Variants in COMMD10 observed in about 807,000 individuals in gnomAD.
COMMD10 encodes COMM domain containing 10.
COMMD10 carries 33 observed loss-of-function variants against 28.9 expected under a neutral mutation model. That is an observed-to-expected ratio of 1.14 (90% CI 0.87 to 1.53). COMMD10 has a LOEUF of 1.53. Ranked by LOEUF, COMMD10 falls within the 40% of genes most tolerant of loss-of-function variation. The probability of loss-of-function intolerance (pLI) is 0.00; values close to 1 mark genes in which losing one functional copy is unlikely to be tolerated. For missense variants in COMMD10, 310 were observed against 233.4 expected (o/e 1.33, Z -2.14); for synonymous variants, 110 against 81.7 (o/e 1.35, Z -1.87).
intron 4 of COMMD10, among the ~76,000 whole-genome samples, chr5:116,129,308 G>C (rs1052282484): frequency 1.4e-5 from 2 of 147,848 alleles, no homozygotes; most frequent in Non-Finnish European, 3.0e-5. Context: ...TCACAGGGTT[G>C]TTAGTTTTCT....
Position 116,269,886 on chromosome 5 carries a change from T to C in COMMD10, c.511-21631T>C, listed in dbSNP as rs77181872. 7.4e-3 allele frequency among the ~76,000 whole-genome samples: 1,123 copies of C among 151,948 alleles called. 51 individuals are homozygous for C. In the East Asian group the frequency reaches 0.11, roughly 15 times the overall value. On this transcript the variant is annotated intron_variant, in intron 5 of 6. Coordinates refer to ENST00000274458, the MANE Select transcript of COMMD10 (RefSeq NM_016144.4). ...GATGAGAGAATTAATATATATTTTTTACCCCATTTCTGCATATTTTAATCC... is the reference window on the plus strand; with the variant it reads ...GATGAGAGAATTAATATATATTTTTCACCCCATTTCTGCATATTTTAATCC...
At chr5:116,242,631 TG>T (rs924795706) in intron 5 of COMMD10, among the ~76,000 whole-genome samples, 2 of 152,098 alleles carry the variant, frequency 1.3e-5, no homozygotes, top group Non-Finnish European at 2.9e-5. Flanking sequence ...TTTGACCCAG[TG>T]GGAATGAAAG....
At chr5:116,092,501 A>T (rs771732405) in intron 3 of COMMD10, 44 bp from the exon 4 acceptor site, 3 of 1,399,598 alleles carry the variant, frequency 2.1e-6, no homozygotes, top group African/African-American at 2.9e-5. Context: ...AAGTTTCAGT[A>T]TGAAGATGAG....
chr5:116,211,792 T>A (rs1460509945), intron 5 of COMMD10, among the ~76,000 whole-genome samples: 1 of 151,980 alleles, frequency 6.6e-6, no homozygotes, highest in African/African-American at 2.4e-5. Context: ...ACACGCACAC[T>A]CTCTCACAGA....
At chr5:116,147,445 C>T (rs1752386774) in intron 5 of COMMD10, among the ~76,000 whole-genome samples, 2 of 151,670 alleles carry the variant, frequency 1.3e-5, no homozygotes, top group African/African-American at 4.8e-5. Context: ...ATGTTTGATT[C>T]CTAAGTATAA....
intron 5 of COMMD10, among the ~76,000 whole-genome samples, chr5:116,152,698 A>G (rs890632506): frequency 7.2e-5 from 11 of 152,122 alleles, no homozygotes; most frequent in African/African-American, 2.4e-4. Context: ...AAAATGAGAA[A>G]CCAGAAGTTT....
chr5:116,121,788 A>G (rs923235464), intron 4 of COMMD10, among the ~76,000 whole-genome samples: 2 of 151,394 alleles, frequency 1.3e-5, no homozygotes, highest in Admixed American at 6.6e-5. Flanking sequence ...TCTTTTGAGA[A>G]GTGTCTGTTC....
At chr5:116,109,407 A>T (rs1386990383) in intron 4 of COMMD10, among the ~76,000 whole-genome samples, 1 of 152,178 alleles carries the variant, frequency 6.6e-6, no homozygotes, top group Non-Finnish European at 1.5e-5. Context: ...CAGCCTGGCC[A>T]ATATGGTGAA....
At chr5:116,249,240 G>T (rs1412663846) in intron 5 of COMMD10, among the ~76,000 whole-genome samples, 1 of 151,856 alleles carries the variant, frequency 6.6e-6, no homozygotes, top group African/African-American at 2.4e-5. Context: ...CTTTAATTTT[G>T]TTTTATGACA....
intron 5 of COMMD10, among the ~76,000 whole-genome samples, chr5:116,256,330 T>C (rs1166013266): frequency 6.6e-6 from 1 of 151,744 alleles, no homozygotes; most frequent in Non-Finnish European, 1.5e-5. Flanking sequence ...ATGAAGAATA[T>C]TATTTTTCTG....
intron 5 of COMMD10, among the ~76,000 whole-genome samples, chr5:116,197,031 A>G (rs1748541503): frequency 6.6e-6 from 1 of 152,182 alleles, no homozygotes; most frequent in Non-Finnish European, 1.5e-5. Flanking sequence ...AGTAATTTAT[A>G]TCAGAAGTAT....
intron 5 of COMMD10, among the ~76,000 whole-genome samples, chr5:116,146,987 T>C (rs1210023263): frequency 6.6e-6 from 1 of 151,904 alleles, no homozygotes; most frequent in Non-Finnish European, 1.5e-5. Flanking sequence ...CTAAAATGCT[T>C]TAAGGATTTA....
chr5:116,146,118 CAAA>C (rs1385608379), intron 5 of COMMD10, among the ~76,000 whole-genome samples: 1 of 151,802 alleles, frequency 6.6e-6, no homozygotes, highest in African/African-American at 2.4e-5. Context: ...TCTGTTAAGA[CAAA>C]GAAGTGGATA....
chr5:116,144,081 G>C (rs981029224), intron 5 of COMMD10, among the ~76,000 whole-genome samples: 9 of 151,794 alleles, frequency 5.9e-5, no homozygotes, highest in African/African-American at 2.2e-4. Flanking sequence ...TATCCAGGTG[G>C]AGATTGTCAG....
intron 5 of COMMD10, among the ~76,000 whole-genome samples, chr5:116,143,198 A>G (rs914819617): frequency 1.7e-4 from 26 of 151,166 alleles, no homozygotes; most frequent in Admixed American, 1.7e-3. Flanking sequence ...TCCTCCATAT[A>G]TGTGGGTGTG....
At chr5:116,139,490 A>G (rs1396481) in intron 5 of COMMD10, among the ~76,000 whole-genome samples, 76,101 of 151,514 alleles carry the variant, frequency 0.5, 21,689 homozygotes, top group Non-Finnish European at 0.65. Flanking sequence ...AATTCTTGTT[A>G]TAGAAATTTA....
chr5:116,134,741 C>A (rs899494229), intron 5 of COMMD10, among the ~76,000 whole-genome samples: 10 of 152,150 alleles, frequency 6.6e-5, no homozygotes, highest in African/African-American at 2.4e-4. Flanking sequence ...CCTGCCTCAG[C>A]CTCCCGAGTA....
intron 4 of COMMD10, among the ~76,000 whole-genome samples, chr5:116,116,237 A>C (rs1451798603): frequency 1.3e-5 from 2 of 152,294 alleles, no homozygotes; most frequent in Middle Eastern, 3.4e-3. Context: ...TGTTTCATTA[A>C]TTATTGAATA....
At chr5:116,292,409 C>G (rs758475844) in intron 6 of COMMD10, 42 bp from the exon 7 acceptor site, 2 of 1,413,218 alleles carry the variant, frequency 1.4e-6, no homozygotes, top group East Asian at 4.8e-5. Context: ...GAGTTTCGTT[C>G]CCTTCACTAA....
Sources: gnomAD v4.1 joint callset for allele counts (sites outside exome capture counted in the v4.1 genomes callset) on GRCh38, gnomAD v4.1.1 for gene constraint, MANE v1.5 for transcripts, NCBI Gene and HGNC (gene_info 2026-07-23, HGNC 2026-07-21) for gene names.